Variants in MLXIPL observed in about 807,000 individuals in gnomAD.
The protein encoded by MLXIPL is MLX interacting protein like, also known as carbohydrate-responsive element-binding protein.
MLXIPL carries 49 observed loss-of-function variants against 81.5 expected under a neutral mutation model. The ratio of observed to expected loss-of-function variants is 0.60; its 90% CI spans 0.48 to 0.76. The LOEUF is 0.76. Among genes scored for constraint, MLXIPL ranks in the 30% least tolerant of loss-of-function variants. The pLI is 0.00. For synonymous variants in MLXIPL, 466 were observed against 485.5 expected (o/e 0.96, Z 0.53); for missense variants, 1,053 against 1,167.0 (o/e 0.90, Z 1.42).
rs369790583 is a variant in MLXIPL at position 73,595,982 on chromosome 7, C to T, written c.2059-13G>A. The T allele has an allele frequency of 4.4e-4, 713 of 1,612,128 alleles. No homozygotes were observed. The highest frequency in any genetic ancestry group is 2.6e-3 in the Middle Eastern group (15 of 5,868). ...TAGCTTTGCTCACCTGCAGACGCCA[C>T]CAGGGGGGCTCAGGCAGGTGCTAGA... is the stretch of plus-strand genomic sequence containing the variant. On this transcript the variant is annotated splice_polypyrimidine_tract_variant and intron_variant, in intron 13 of 16. Transcript: ENST00000313375.
In MLXIPL at chr7:73,616,181, T is replaced by A. The variant is rs1795997886; in HGVS notation, c.294-4A>T. The A allele has an allele frequency of 3.1e-6, 5 of 1,611,482 alleles. No homozygotes were observed. Among genetic ancestry groups the A allele is most frequent in the African/African-American group, 1.3e-5 (1 of 74,966 alleles). On this transcript the variant is annotated splice_region_variant and splice_polypyrimidine_tract_variant and intron_variant, in intron 1 of 16. Coordinates refer to ENST00000313375, the MANE Select transcript of MLXIPL (RefSeq NM_032951.3). The stretch of plus-strand genomic sequence containing the variant: ...CTTGGGAGACACCAGCTTGCCACTG[T>A]CAAAGGGGAGAGGAGTAGGGTTAGG...
upstream of MLXIPL, among the ~76,000 whole-genome samples, chr7:73,625,367 C>A (rs540485126): frequency 6.6e-6 from 1 of 152,224 alleles, no homozygotes; most frequent in Non-Finnish European, 1.5e-5. Flanking sequence ...TAGGTAGAAG[C>A]CCCCAACTCT....
At chr7:73,646,938 G>A in the MLXIPL span, among the ~76,000 whole-genome samples, 1 of 152,136 alleles carries the variant, frequency 6.6e-6, no homozygotes, top group African/African-American at 2.4e-5. Flanking sequence ...GAGGGACTTG[G>A]TTGGAGTGGG....
chr7:73,599,812 G>A, intron 7 of MLXIPL, 117 bp from the exon 8 acceptor site: 1 of 986,424 alleles, frequency 1.0e-6, no homozygotes, highest in Non-Finnish European at 1.5e-6. Flanking sequence ...GGACTGGCGG[G>A]CAGAGGGTGG....
the MLXIPL span, among the ~76,000 whole-genome samples, chr7:73,642,225 G>A: frequency 6.6e-6 from 1 of 152,166 alleles, no homozygotes; most frequent in Non-Finnish European, 1.5e-5. Flanking sequence ...GAGTATGGGG[G>A]TGGTGCACGG....
At chr7:73,644,871 A>AG in the MLXIPL span, among the ~76,000 whole-genome samples, 3 of 152,178 alleles carry the variant, frequency 2.0e-5, no homozygotes, top group Non-Finnish European at 4.4e-5. Context: ...TGCCGGCCCC[A>AG]TCAGGGCATC....
the MLXIPL span, among the ~76,000 whole-genome samples, chr7:73,641,281 C>T: frequency 7.2e-5 from 11 of 152,124 alleles, no homozygotes; most frequent in Non-Finnish European, 1.3e-4. Context: ...AGGGACTTTC[C>T]TCTTTCCCCA....
chr7:73,639,329 G>A, the MLXIPL span, among the ~76,000 whole-genome samples: 1 of 152,202 alleles, frequency 6.6e-6, no homozygotes, highest in Non-Finnish European at 1.5e-5. Flanking sequence ...TTTACTTCTA[G>A]GAATTTGTGC....
chr7:73,626,848 G>A (rs1554603966), upstream of MLXIPL, among the ~76,000 whole-genome samples: 2 of 152,168 alleles, frequency 1.3e-5, no homozygotes, highest in Admixed American at 1.3e-4. Flanking sequence ...TAGGGAAAGC[G>A]GAGGAGGTGG....
chr7:73,636,495 G>T, the MLXIPL span, among the ~76,000 whole-genome samples: 1 of 152,056 alleles, frequency 6.6e-6, no homozygotes, highest in Non-Finnish European at 1.5e-5. Context: ...AGAAACAAAG[G>T]CGGGGGCTGG....
chr7:73,630,129 C>T, the MLXIPL span, among the ~76,000 whole-genome samples: 1 of 151,792 alleles, frequency 6.6e-6, no homozygotes, highest in African/African-American at 2.4e-5. Context: ...TCCCAAGTAG[C>T]TGGGACTACA....
intron 4 of MLXIPL, 120 bp downstream of exon 4, chr7:73,607,211 G>A: frequency 7.9e-7 from 1 of 1,266,278 alleles, no homozygotes; most frequent in Non-Finnish European, 1.1e-6. Context: ...ACTGAATGGA[G>A]GGCCCGAGGG....
In MLXIPL at chr7:73,624,445, C is replaced by G. The variant is rs535152791; in HGVS notation, c.48G>C (p.Arg16=). The G allele has an allele frequency of 1.3e-6, 2 of 1,554,262 alleles. No individual in the cohort carries two copies. Among genetic ancestry groups the G allele is most frequent in the Middle Eastern group, 1.8e-4 (1 of 5,476 alleles). ...AGTCCGAGTCTGGGCTGGGCGCGAC[C>G]CGCGGGACCTGCAAGCCCGCGGCCA... ...AGLAAGLQVP[R]VAPSPDSDSD... The change falls in exon 1 of 17, where the codon CGG becomes CGC. Residue 16 remains arginine (R), a synonymous_variant. Coordinates refer to ENST00000313375, the MANE Select transcript of MLXIPL (RefSeq NM_032951.3).
At chr7:73,601,940 C>A (rs1232824454) in intron 7 of MLXIPL, among the ~76,000 whole-genome samples, 1 of 152,074 alleles carries the variant, frequency 6.6e-6, no homozygotes, top group East Asian at 1.9e-4. Flanking sequence ...TCTGCCTACC[C>A]TCTGGGTGTC....
chr7:73,593,730 C>A lies in MLXIPL; in HGVS notation c.*135G>T, dbSNP rs1794032066. 2.5e-6 allele frequency: 2 copies of A among 813,760 alleles called. No individual in the cohort carries two copies. Among genetic ancestry groups the A allele is most frequent in the African/African-American group, 1.7e-5 (1 of 59,374 alleles). The allele number at this position is 813,760 out of a possible 1,614,324, so 50.4% of individuals were successfully genotyped here. On this transcript the variant is annotated 3_prime_UTR_variant, in exon 17 of 17. Transcript: ENST00000313375. ...GAGGTGGCAAGTGTGAAACCTGGAC[C>A]CTGCTCCACCCCCCAGGGAAGGGCA...
At chr7:73,610,365 TG>T (rs1162681321) in intron 2 of MLXIPL, 2 of 152,226 alleles carry the variant, frequency 1.3e-5, no homozygotes, top group African/African-American at 2.4e-5. Flanking sequence ...GAACCCTCCA[TG>T]GCTCCCTACT....
At chr7:73,629,697 C>T in the MLXIPL span, among the ~76,000 whole-genome samples, 2 of 152,142 alleles carry the variant, frequency 1.3e-5, no homozygotes, top group Admixed American at 6.5e-5. Context: ...TGTACTCCAG[C>T]CTGGGTGACA....
the MLXIPL span, among the ~76,000 whole-genome samples, chr7:73,641,529 T>G: frequency 1.3e-5 from 2 of 152,158 alleles, no homozygotes; most frequent in African/African-American, 4.8e-5. Context: ...CTGTAAAAAT[T>G]CCGATAGCCA....
chr7:73,633,205 C>T, the MLXIPL span, among the ~76,000 whole-genome samples: 2 of 151,382 alleles, frequency 1.3e-5, no homozygotes, highest in Non-Finnish European at 2.9e-5. Context: ...CTCAGCCTCC[C>T]GAGTAGCTGG....
Sources: gnomAD v4.1 joint callset for allele counts (sites outside exome capture counted in the v4.1 genomes callset) on GRCh38, gnomAD v4.1.1 for gene constraint, MANE v1.5 for transcripts, NCBI Gene and HGNC (gene_info 2026-07-23, HGNC 2026-07-21) for gene names.